KLF12: variants seen among roughly 807,000 people sequenced by gnomAD.
The protein encoded by KLF12 is KLF transcription factor 12.
A neutral mutation model predicts 37.8 loss-of-function variants in KLF12; 9 were observed. That is an observed-to-expected ratio of 0.24 (90% CI 0.14 to 0.42). KLF12 has a LOEUF of 0.42. Ranked by LOEUF, KLF12 falls within the 10% of genes least tolerant of loss-of-function variation. The pLI is 1.00. For missense variants in KLF12, 411 were observed against 516.0 expected (o/e 0.80, Z 1.97); for synonymous variants, 208 against 202.1 (o/e 1.03, Z -0.25).
rs761437646 is a variant in KLF12, at chr13:73,764,991, C to T, written c.816G>A (p.Pro272=). 55 of 1,565,740 alleles carry T rather than the reference C, an allele frequency of 3.5e-5. No individual in the cohort carries two copies. Among genetic ancestry groups the T allele is most frequent in the Admixed American group, 8.5e-5 (5 of 58,790 alleles). Residue 272 remains proline (P), a synonymous_variant, in exon 6 of 8, where the codon CCG becomes CCA. Transcript: ENST00000377669. ...TGCCCCGGACCCTTGATACTGGGGA[C>T]GGATGTACCCTGTAGACAGAGAAGA...
chr13:73,884,083 T>G (rs1232965615), intron 3 of KLF12, among the ~76,000 whole-genome samples: 1 of 152,172 alleles, frequency 6.6e-6, no homozygotes, highest in African/African-American at 2.4e-5. Context: ...TCCAAAAAGC[T>G]AACAGAATAA....
chr13:74,204,734 T>A, the KLF12 span, among the ~76,000 whole-genome samples: 2 of 152,182 alleles, frequency 1.3e-5, no homozygotes, highest in African/African-American at 4.8e-5. Flanking sequence ...CTTGAATGAT[T>A]CAGAGACCTC....
At chr13:74,199,234 C>T in the KLF12 span, among the ~76,000 whole-genome samples, 42 of 152,242 alleles carry the variant, frequency 2.8e-4, no homozygotes, top group Admixed American at 5.9e-4. Context: ...CTGACATATC[C>T]GAAACCATCT....
chr13:74,028,813 T>C (rs1021573350), intron 1 of KLF12, among the ~76,000 whole-genome samples: 3 of 134,390 alleles, frequency 2.2e-5, no homozygotes, highest in East Asian at 2.2e-4. Context: ...TTTAAATTAA[T>C]ATAAGAAAAA....
At chr13:73,826,715 T>G (rs1299787188) in intron 4 of KLF12, among the ~76,000 whole-genome samples, 12 of 152,002 alleles carry the variant, frequency 7.9e-5, no homozygotes. Context: ...CCATGAACAA[T>G]ACCTACAGTT....
the KLF12 span, among the ~76,000 whole-genome samples, chr13:74,144,750 T>C: frequency 6.6e-6 from 1 of 152,182 alleles, no homozygotes; most frequent in African/African-American, 2.4e-5. Context: ...AATGTCTGTT[T>C]AGTTATTTTA....
chr13:73,805,641 G>A (rs1882544889), intron 5 of KLF12, among the ~76,000 whole-genome samples: 1 of 55,534 alleles, frequency 1.8e-5, no homozygotes, highest in African/African-American at 1.1e-4. Context: ...AGGGAGGGAG[G>A]GAGGGAGGGA....
At chr13:74,043,099 T>C (rs773450332) in intron 1 of KLF12, among the ~76,000 whole-genome samples, 4 of 152,224 alleles carry the variant, frequency 2.6e-5, no homozygotes, top group Non-Finnish European at 4.4e-5. Flanking sequence ...ACAGATTCCC[T>C]TCATGAGATA....
intron 3 of KLF12, among the ~76,000 whole-genome samples, chr13:73,916,247 G>GCACACA (rs34551604): frequency 6.8e-6 from 1 of 146,536 alleles, no homozygotes; most frequent in African/African-American, 2.6e-5. Flanking sequence ...ACACGCACAC[G>GCACACA]CACACACACA....
chr13:73,773,566 A>G (rs1396640723), intron 5 of KLF12, among the ~76,000 whole-genome samples: 1 of 127,534 alleles, frequency 7.8e-6, no homozygotes, highest in Admixed American at 7.4e-5. Flanking sequence ...CTATGACACT[A>G]TGTCCATTAT....
the KLF12 span, among the ~76,000 whole-genome samples, chr13:74,177,927 T>A: frequency 6.6e-6 from 1 of 152,238 alleles, no homozygotes. Context: ...ATTACAGTAA[T>A]AAATGCAATA....
Position 73,690,566 on chromosome 13 carries a change from A to G in KLF12, c.*4924T>C, listed in dbSNP as rs538604940. On this transcript the variant is annotated 3_prime_UTR_variant, in exon 8 of 8. Coordinates refer to ENST00000377669, the MANE Select transcript of KLF12 (RefSeq NM_007249.5). Reference sequence around the variant, plus strand: ...GTCTGCAACTTAAAATGACTTCATTATATTTTAAACCATCCTGGCTAAACC... The same window carrying G: ...GTCTGCAACTTAAAATGACTTCATTGTATTTTAAACCATCCTGGCTAAACC... 6.6e-6 allele frequency: 1 copy of G among 152,348 alleles called. No homozygotes were observed. The highest frequency in any genetic ancestry group is 6.5e-5 in the Admixed American group (1 of 15,308). The allele number at this position is 152,348 out of a possible 1,614,324, so 9.4% of individuals were successfully genotyped here. A position where few individuals can be genotyped will look rare whatever the true frequency, so the allele number is the denominator to read the frequency against.
intron 3 of KLF12, among the ~76,000 whole-genome samples, chr13:73,860,194 C>T (rs12428279): frequency 0.056 from 8,584 of 152,220 alleles, 490 homozygotes; most frequent in African/African-American, 0.14. Flanking sequence ...TGTCTGTTAT[C>T]TCCTCCAGCT....
intron 5 of KLF12, among the ~76,000 whole-genome samples, chr13:73,812,386 C>CAAA (rs11354700): frequency 1.7e-3 from 248 of 148,940 alleles, no homozygotes; most frequent in African/African-American, 2.9e-3. Flanking sequence ...TGCATTCTCA[C>CAAA]AAAAAAAAAA....
intron 4 of KLF12, among the ~76,000 whole-genome samples, chr13:73,831,025 C>CACACACACACACACACACACAT (rs1555311663): frequency 7.1e-6 from 1 of 141,540 alleles, no homozygotes; most frequent in Non-Finnish European, 1.6e-5. Flanking sequence ...CACACACACA[C>CACACACACACACACACACACAT]GCATACTTAT....
intron 1 of KLF12, among the ~76,000 whole-genome samples, chr13:74,018,559 C>A (rs1277522268): frequency 1.3e-5 from 2 of 152,004 alleles, no homozygotes; most frequent in African/African-American, 4.8e-5. Flanking sequence ...ATAATACATA[C>A]AATTTTATAT....
chr13:74,234,729 A>G, the KLF12 span, among the ~76,000 whole-genome samples: 827 of 148,866 alleles, frequency 5.6e-3, 5 homozygotes, highest in African/African-American at 0.019. Context: ...AGGTTTTGCC[A>G]CTCTTACCTC....
At chr13:74,024,338 T>C (rs764106183) in intron 1 of KLF12, among the ~76,000 whole-genome samples, 1 of 152,228 alleles carries the variant, frequency 6.6e-6, no homozygotes, top group Non-Finnish European at 1.5e-5. Flanking sequence ...CTCCATGGCT[T>C]ACCAGCTTAG....
chr13:74,115,992 T>TA (rs1470743557), intron 1 of KLF12, among the ~76,000 whole-genome samples: 1 of 152,214 alleles, frequency 6.6e-6, no homozygotes, highest in Non-Finnish European at 1.5e-5. Context: ...GGGTATATCT[T>TA]ACTGAGATTT....
Sources: gnomAD v4.1 joint callset for allele counts (sites outside exome capture counted in the v4.1 genomes callset) on GRCh38, gnomAD v4.1.1 for gene constraint, MANE v1.5 for transcripts, NCBI Gene and HGNC (gene_info 2026-07-23, HGNC 2026-07-21) for gene names.